ZNF516: variants seen among roughly 807,000 people sequenced by gnomAD.
ZNF516 encodes the protein zinc finger protein 516.
In ZNF516, 19 loss-of-function variants were observed where a neutral mutation model predicts 79.7. The ratio of observed to expected loss-of-function variants is 0.24; its 90% CI spans 0.17 to 0.35. The LOEUF (loss-of-function observed/expected upper bound fraction) is 0.35, where lower values mean the gene tolerates loss of function less well. Ranked by LOEUF, ZNF516 falls within the 10% of genes least tolerant of loss-of-function variation. The pLI, the probability that ZNF516 is intolerant of heterozygous loss-of-function variation, is 1.00. For missense variants in ZNF516, 1,678 were observed against 1,679.5 expected, an observed-to-expected ratio of 1.00 and a Z score of 0.02; for synonymous variants, 877 against 739.5, an observed-to-expected ratio of 1.19 and a Z score of -3.02.
chr18:76,402,155 C>G (rs1334294419), intron 3 of ZNF516, among the ~76,000 whole-genome samples: 3 of 152,180 alleles, frequency 2.0e-5, no homozygotes, highest in Non-Finnish European at 4.4e-5. Flanking sequence ...GACATCGCCT[C>G]GGTCAACACC....
chr18:76,363,826 G>A (rs2074575719), intron 6 of ZNF516, among the ~76,000 whole-genome samples: 1 of 152,196 alleles, frequency 6.6e-6, no homozygotes, highest in South Asian at 2.1e-4. Context: ...AGAAAACTGG[G>A]AGTTATAGTT....
chr18:76,394,940 C>A (rs1346293752), intron 3 of ZNF516, among the ~76,000 whole-genome samples: 1 of 152,156 alleles, frequency 6.6e-6, no homozygotes, highest in Non-Finnish European at 1.5e-5. Context: ...CCCTTTCTGA[C>A]TGAACCACGG....
In ZNF516 at chr18:76,379,079, G is replaced by A. The variant is rs775757368; in HGVS notation, c.3035C>T (p.Thr1012Ile). Reference sequence around the variant, plus strand: ...GGACCCCGCAGCACAGGTGGCCAGAGTCCTCAGCTCCTGGGCTGCCTTCGA... The same window carrying A: ...GGACCCCGCAGCACAGGTGGCCAGAATCCTCAGCTCCTGGGCTGCCTTCGA... ...PPSKAAQELR[T>I]LATCAAGSRG... The change falls in exon 4 of 7, where the codon ACT becomes ATT. Residue 1012 changes from threonine (T) to isoleucine (I), a missense_variant. Around this residue, in one of 5 missense-constraint regions of ZNF516, gnomAD observed 1,294 missense variants for 1,248.3 expected, o/e 1.04. Transcript: ENST00000443185. The A allele has an allele frequency of 2.5e-6, 4 of 1,611,000 alleles. No homozygotes were observed. The highest frequency in any genetic ancestry group is 3.3e-4 in the Middle Eastern group (2 of 6,044).
intron 3 of ZNF516, among the ~76,000 whole-genome samples, chr18:76,391,273 C>T (rs1376521830): frequency 6.6e-6 from 1 of 152,124 alleles, no homozygotes; most frequent in Non-Finnish European, 1.5e-5. Flanking sequence ...AACCACAACC[C>T]TAATCCCAGC....
At chr18:76,455,637 T>G (rs530818061) in intron 2 of ZNF516, among the ~76,000 whole-genome samples, 1 of 152,144 alleles carries the variant, frequency 6.6e-6, no homozygotes, top group East Asian at 1.9e-4. Flanking sequence ...TTCAAGAAAA[T>G]TACATTCACC....
At chr18:76,486,339 T>A (rs1914831288) in intron 1 of ZNF516, among the ~76,000 whole-genome samples, 6 of 151,488 alleles carry the variant, frequency 4.0e-5, no homozygotes. Flanking sequence ...TAGTACCATA[T>A]GGCAAAGACA....
rs533111476 is a variant in ZNF516, at chr18:76,446,277, A to C, written c.-157-3066T>G. On this transcript the variant is annotated intron_variant, in intron 2 of 6. Coordinates refer to ENST00000443185, the MANE Select transcript of ZNF516 (RefSeq NM_014643.4). ...TCCAGACCCCAGGGACATCCAGGCAAACACACACCTGGCACTTAGGCCCCT... is the reference window on the plus strand; with the variant it reads ...TCCAGACCCCAGGGACATCCAGGCACACACACACCTGGCACTTAGGCCCCT... Among the ~76,000 whole-genome samples the C allele has an allele frequency of 3.3e-5, 5 of 152,270 alleles. No individual in the cohort carries two copies. The South Asian group carries it at 1.0e-3, about 32-fold the overall frequency.
chr18:76,360,646 A>AAAAAAAAAAATATAT lies in ZNF516; in HGVS notation c.*1851_*1852insATATATTTTTTTTTT, dbSNP rs373540251. On this transcript the variant is annotated 3_prime_UTR_variant, in exon 7 of 7. Transcript: ENST00000443185. ...AAAAAAATAAGTAAAAAAAAAAAAA[A>AAAAAAAAAAATATAT]ATATATATATATATATATATATATA... The AAAAAAAAAAATATAT allele has an allele frequency of 2.8e-5, 2 of 72,460 alleles. No homozygotes were observed. The highest frequency in any genetic ancestry group is 5.4e-5 in the Non-Finnish European group (2 of 36,924). 4.5% of individuals were successfully genotyped at this position (72,460 alleles called of 1,614,324 possible). A position where few individuals can be genotyped will look rare whatever the true frequency, so the allele number is the denominator to read the frequency against.
rs767129438 is a variant in ZNF516, at chr18:76,443,061, G to GACGGGCGCGGCCGGTGGTGGCGGCACAGC, written c.-36_-8dup. 2.7e-5 allele frequency: 43 copies of GACGGGCGCGGCCGGTGGTGGCGGCACAGC among 1,577,456 alleles called. No homozygotes were observed. In the East Asian group the frequency reaches 9.6e-4, roughly 35 times the overall value. On this transcript the variant is annotated 5_prime_UTR_variant, in exon 3 of 7. Transcript: ENST00000443185. ...CCTCTCTGTTGCGATCCATCCGAAG[G>GACGGGCGCGGCCGGTGGTGGCGGCACAGC]ACGGGCGCGGCCGGTGGTGGCGGCA...
chr18:76,478,523 A>T (rs1334078229), intron 1 of ZNF516, among the ~76,000 whole-genome samples: 2 of 152,236 alleles, frequency 1.3e-5, no homozygotes, highest in African/African-American at 2.4e-5. Context: ...AAAATAAACA[A>T]TTTTTTAATC....
chr18:76,377,742 G>A (rs1269757237), intron 4 of ZNF516, among the ~76,000 whole-genome samples: 3 of 134,142 alleles, frequency 2.2e-5, no homozygotes, highest in Non-Finnish European at 5.0e-5. Flanking sequence ...TTGAGATGGA[G>A]TCTCACTCTG....
intron 3 of ZNF516, among the ~76,000 whole-genome samples, chr18:76,421,343 G>A (rs373877889): frequency 2.6e-4 from 39 of 152,326 alleles, no homozygotes; most frequent in African/African-American, 8.9e-4. Context: ...GGTATGGCGG[G>A]CTAGGCCTTA....
intron 1 of ZNF516, among the ~76,000 whole-genome samples, chr18:76,486,841 T>C (rs1914861427): frequency 6.6e-6 from 1 of 152,200 alleles, no homozygotes; most frequent in South Asian, 2.1e-4. Context: ...TCTGAGATTC[T>C]ATAGACTTTA....
intron 1 of ZNF516, among the ~76,000 whole-genome samples, chr18:76,478,702 ACT>A (rs1478230694): frequency 3.3e-5 from 5 of 152,120 alleles, no homozygotes; most frequent in Non-Finnish European, 7.4e-5. Context: ...CTTTCAGTAC[ACT>A]CTCAGTTCTG....
At chr18:76,494,505 C>T (rs1915400894) in intron 1 of ZNF516, among the ~76,000 whole-genome samples, 1 of 137,922 alleles carries the variant, frequency 7.3e-6, no homozygotes, top group African/African-American at 2.7e-5. Flanking sequence ...ACTTCTTTAA[C>T]GTTAGGGTCA....
chr18:76,472,456 T>C lies in ZNF516; in HGVS notation c.-271-9315A>G, dbSNP rs189362990. 2.0e-5 allele frequency among the ~76,000 whole-genome samples: 3 copies of C among 152,368 alleles called. No homozygotes were observed. The East Asian group carries it at 5.8e-4, about 29-fold the overall frequency. On this transcript the variant is annotated intron_variant, in intron 1 of 6. Transcript: ENST00000443185. Reference sequence around the variant, plus strand: ...ACTTACACGTGTGTATATTCACATATGCATGTATGTGTGTATATACACGTA... The same window carrying C: ...ACTTACACGTGTGTATATTCACATACGCATGTATGTGTGTATATACACGTA...
intron 1 of ZNF516, among the ~76,000 whole-genome samples, chr18:76,469,335 T>C (rs1265103541): frequency 6.6e-6 from 1 of 152,256 alleles, no homozygotes; most frequent in Non-Finnish European, 1.5e-5. Context: ...ATTATATCTT[T>C]ATATTTAGAG....
chr18:76,437,104 C>T (rs984384092), intron 3 of ZNF516, among the ~76,000 whole-genome samples: 4 of 28,164 alleles, frequency 1.4e-4, no homozygotes, highest in Non-Finnish European at 3.1e-4. Flanking sequence ...ACACACATAC[C>T]GTCTCTCACC....
At position 76,441,431 on chromosome 18, in the gene ZNF516, G is replaced by T; in HGVS notation, c.1624C>A (p.Arg542Ser). 6.2e-7 allele frequency: 1 copy of T among 1,606,752 alleles called. No homozygotes were observed. Among genetic ancestry groups the T allele is most frequent in the Non-Finnish European group, 8.5e-7 (1 of 1,177,832 alleles). Residue 542 changes from arginine to serine, a missense_variant, in exon 3 of 7, where the codon CGC becomes AGC. Coordinates refer to ENST00000443185, the MANE Select transcript of ZNF516 (RefSeq NM_014643.4). ...LHSRVHRRAR[R>S]ERDSDGDRAA... ...CTGTCCCCGTCACTGTCCCTCTCGC[G>T]GCGCGCGCGGCGATGCACGCGTGAG...
Sources: allele counts gnomAD v4.1 joint callset (sites outside exome capture counted in the v4.1 genomes callset), GRCh38; gene constraint gnomAD v4.1.1; regional missense constraint gnomAD v4.1.1; transcripts MANE v1.5; gene names NCBI Gene and HGNC (gene_info 2026-07-23, HGNC 2026-07-21).